DPY19L1: variants seen among roughly 807,000 people sequenced by gnomAD.
DPY19L1 encodes the protein dpy-19 like C-mannosyltransferase 1.
A neutral mutation model predicts 96.9 loss-of-function variants in DPY19L1; 35 were observed. The observed-to-expected ratio is 0.36, with a 90% CI of 0.28 to 0.48. The LOEUF (loss-of-function observed/expected upper bound fraction) is 0.48, where lower values mean the gene tolerates loss of function less well. DPY19L1 is among the 20% of genes least tolerant of loss of function. The pLI is 0.99. For synonymous variants in DPY19L1, 205 were observed against 252.6 expected, an observed-to-expected ratio of 0.81 and a Z score of 1.79; for missense variants, 521 against 777.9, an observed-to-expected ratio of 0.67 and a Z score of 3.93.
At chr7:34,962,659 T>A in intron 10 of DPY19L1, among the ~76,000 whole-genome samples, 1 of 152,068 alleles carries the variant, frequency 6.6e-6, no homozygotes, top group Admixed American at 6.6e-5. Flanking sequence ...TTTGCACCAC[T>A]GAACTCCAGC....
chr7:34,964,857 T>C (rs1784577219), intron 10 of DPY19L1, among the ~76,000 whole-genome samples: 1 of 152,038 alleles, frequency 6.6e-6, no homozygotes. Flanking sequence ...CAAGACAAAC[T>C]GGTAAAAGAT....
chr7:35,034,756 T>A (rs2128684933), intron 1 of DPY19L1, among the ~76,000 whole-genome samples: 1 of 152,340 alleles, frequency 6.6e-6, no homozygotes, highest in East Asian at 1.9e-4. Flanking sequence ...TAGAAATGAA[T>A]CCATTTCTGT....
chr7:34,947,528 CA>C, intron 15 of DPY19L1, 101 bp downstream of exon 15: 1 of 903,672 alleles, frequency 1.1e-6, no homozygotes, highest in Non-Finnish European at 1.7e-6. Flanking sequence ...TAAGCCCATA[CA>C]AAACGTTGTA....
intron 20 of DPY19L1, 87 bp downstream of exon 20, chr7:34,939,189 A>T (rs1783938744): frequency 3.3e-6 from 4 of 1,195,918 alleles, no homozygotes; most frequent in Non-Finnish European, 4.7e-6. Flanking sequence ...TCCTTTTGAA[A>T]CATTCCTTAT....
At chr7:34,989,790 G>C in intron 7 of DPY19L1, 94 bp downstream of exon 7, 6 of 1,069,768 alleles carry the variant, frequency 5.6e-6, no homozygotes, top group Non-Finnish European at 8.0e-6. Flanking sequence ...AAAATAATAA[G>C]ATCAAACATT....
At chr7:35,018,828 C>T (rs329240) in intron 1 of DPY19L1, among the ~76,000 whole-genome samples, 41,590 of 151,864 alleles carry the variant, frequency 0.27, 5,805 homozygotes, top group Non-Finnish European at 0.31. Flanking sequence ...TATATGAAGG[C>T]CTAATATCCG....
At chr7:35,012,819 A>G (rs1191824081) in intron 4 of DPY19L1, among the ~76,000 whole-genome samples, 1 of 152,128 alleles carries the variant, frequency 6.6e-6, no homozygotes, top group African/African-American at 2.4e-5. Flanking sequence ...AATATCCAGT[A>G]TATAATAAAT....
At chr7:34,989,730 T>C (rs766631191) in intron 7 of DPY19L1, among the ~76,000 whole-genome samples, 154 bp downstream of exon 7, 1 of 151,850 alleles carries the variant, frequency 6.6e-6, no homozygotes, top group Non-Finnish European at 1.5e-5. Context: ...AGAAGTACAA[T>C]GGTCATGAAA....
intron 1 of DPY19L1, among the ~76,000 whole-genome samples, chr7:35,034,003 C>T (rs1584267784): frequency 3.9e-5 from 6 of 152,168 alleles, no homozygotes; most frequent in African/African-American, 1.4e-4. Flanking sequence ...TGCCACAATG[C>T]TGAGGTTGCA....
At chr7:34,956,969 C>A (rs1031443158) in intron 11 of DPY19L1, among the ~76,000 whole-genome samples, 2 of 152,120 alleles carry the variant, frequency 1.3e-5, no homozygotes, top group Non-Finnish European at 2.9e-5. Flanking sequence ...TTTAAAGTCA[C>A]AGGGAAACTA....
chr7:34,983,062 C>A (rs1310013093), intron 7 of DPY19L1, among the ~76,000 whole-genome samples: 1 of 152,156 alleles, frequency 6.6e-6, no homozygotes, highest in Non-Finnish European at 1.5e-5. Flanking sequence ...TGGAAGTAAA[C>A]TAAAACAAAT....
intron 6 of DPY19L1, among the ~76,000 whole-genome samples, chr7:34,995,099 T>A (rs1159874373): frequency 6.6e-6 from 1 of 152,190 alleles, no homozygotes; most frequent in Non-Finnish European, 1.5e-5. Context: ...AATTTATTTA[T>A]CTCCAAGGAA....
chr7:34,936,469 G>C (rs552702000), intron 21 of DPY19L1, among the ~76,000 whole-genome samples: 1 of 152,308 alleles, frequency 6.6e-6, no homozygotes, highest in South Asian at 2.1e-4. Flanking sequence ...TGTTTCAAGA[G>C]AGTGAAGCCC....
chr7:34,966,247 T>C (rs1784605699), intron 10 of DPY19L1, among the ~76,000 whole-genome samples: 1 of 152,206 alleles, frequency 6.6e-6, no homozygotes, highest in Non-Finnish European at 1.5e-5. Context: ...TGTAGTAATA[T>C]GAATGCTGGT....
chr7:34,981,231 C>T (rs328902), intron 7 of DPY19L1, among the ~76,000 whole-genome samples: 41,254 of 151,946 alleles, frequency 0.27, 5,741 homozygotes, highest in Non-Finnish European at 0.31. Flanking sequence ...TCAAAAAGAA[C>T]TGCAATGGAT....
In DPY19L1 at chr7:34,975,971, G is replaced by A. The variant is rs183926127; in HGVS notation, c.823-2366C>T. ...AGTGCACTTGGTTACACAAGTGCTCGGGTGGAGACGGATGAGGTGATTAAT... is the reference window on the plus strand; with the variant it reads ...AGTGCACTTGGTTACACAAGTGCTCAGGTGGAGACGGATGAGGTGATTAAT... On this transcript the variant is annotated intron_variant, in intron 7 of 21. Transcript: ENST00000638088. 4.5e-4 allele frequency among the ~76,000 whole-genome samples: 68 copies of A among 152,250 alleles called. 1 individual carries two copies. Among genetic ancestry groups the A allele is most frequent in the African/African-American group, 1.3e-3 (54 of 41,556 alleles).
At chr7:35,003,050 G>C (rs181511950) in intron 6 of DPY19L1, among the ~76,000 whole-genome samples, 2 of 152,146 alleles carry the variant, frequency 1.3e-5, no homozygotes, top group African/African-American at 2.4e-5. Context: ...GATTACAGGC[G>C]TGAGCCACCG....
intron 6 of DPY19L1, among the ~76,000 whole-genome samples, chr7:35,002,035 A>G (rs899089605): frequency 6.6e-6 from 1 of 151,734 alleles, no homozygotes; most frequent in African/African-American, 2.4e-5. Flanking sequence ...TGAAGCAAGA[A>G]AAAATTGCTT....
chr7:34,994,048 A>G lies in DPY19L1; in HGVS notation c.765-4107T>C, dbSNP rs570075420. ...GCCGTGGCACTCCAGCCTGGGTGAC[A>G]GTGAAACTGTCTCAAAAAATAAAAA... is the stretch of plus-strand genomic sequence containing the variant. On this transcript the variant is annotated intron_variant, in intron 6 of 21. Transcript: ENST00000638088. Among the ~76,000 whole-genome samples, 11 of 152,344 alleles carry G rather than the reference A, an allele frequency of 7.2e-5. 1 individual carries two copies. In the East Asian group the frequency reaches 2.1e-3, roughly 29 times the overall value.
Sources: gnomAD v4.1 joint callset for allele counts (sites outside exome capture counted in the v4.1 genomes callset) on GRCh38, gnomAD v4.1.1 for gene constraint, MANE v1.5 for transcripts, NCBI Gene and HGNC (gene_info 2026-07-23, HGNC 2026-07-21) for gene names.